ANXA10: variants seen among roughly 807,000 people sequenced by gnomAD.
ANXA10 encodes the protein annexin 14.
In ANXA10, 49 loss-of-function variants were observed where a neutral mutation model predicts 53.5. The observed-to-expected ratio is 0.92, with a 90% CI of 0.73 to 1.16. ANXA10 has a LOEUF of 1.16. ANXA10 is among the 50% of genes most tolerant of loss of function. ANXA10 has a pLI of 0.00. For missense variants in ANXA10, 393 were observed against 394.4 expected (o/e 1.00, Z 0.03); for synonymous variants, 131 against 128.9 (o/e 1.02, Z -0.11).
intron 3 of ANXA10, among the ~76,000 whole-genome samples, chr4:168,151,318 A>T (rs1578917782): frequency 1.3e-5 from 2 of 152,338 alleles, no homozygotes; most frequent in East Asian, 1.9e-4. Flanking sequence ...GACAAGAAAG[A>T]TGTTAGTCTT....
At chr4:168,164,449 T>C (rs574823578) in intron 5 of ANXA10, among the ~76,000 whole-genome samples, 161 bp downstream of exon 5, 2 of 152,288 alleles carry the variant, frequency 1.3e-5, no homozygotes, top group South Asian at 4.1e-4. Flanking sequence ...AACCGATTAT[T>C]AGTGCACTAA....
At chr4:168,131,473 T>C (rs1731156098) in intron 2 of ANXA10, among the ~76,000 whole-genome samples, 1 of 152,074 alleles carries the variant, frequency 6.6e-6, no homozygotes, top group South Asian at 2.1e-4. Context: ...TCTATAGATG[T>C]TAATTAAATC....
intron 4 of ANXA10, 21 bp downstream of exon 4, chr4:168,162,662 T>C: frequency 6.3e-7 from 1 of 1,599,530 alleles, no homozygotes; most frequent in Non-Finnish European, 8.6e-7. Context: ...GATCCAAAAA[T>C]ATGCCTGTAA....
chr4:168,162,641 GGTAGTGATCT>G lies in ANXA10; in HGVS notation c.309+2_309+11del, dbSNP rs1315634729. On this transcript the variant is annotated splice_donor_variant and splice_donor_5th_base_variant and intron_variant, in intron 4 of 11. Coordinates refer to ENST00000359299, the MANE Select transcript of ANXA10 (RefSeq NM_007193.5). LOFTEE classifies it high-confidence loss of function. Reference sequence around the variant, plus strand: ...CTCATGAGCTCTGGCATGCCATGAAGGTAGTGATCTGATCCAAAAATATGCCTGTAACAAG... The same window carrying G: ...CTCATGAGCTCTGGCATGCCATGAAGGATCCAAAAATATGCCTGTAACAAG... 6.2e-7 allele frequency: 1 copy of G among 1,613,468 alleles called. No homozygotes were observed. Among genetic ancestry groups the G allele is most frequent in the East Asian group, 2.2e-5 (1 of 44,858 alleles).
At chr4:168,126,525 T>A (rs1307856341) in intron 1 of ANXA10, among the ~76,000 whole-genome samples, 7 of 152,168 alleles carry the variant, frequency 4.6e-5, no homozygotes, top group Admixed American at 4.6e-4. Context: ...TCATATACAA[T>A]CAGCTGTGGA....
At chr4:168,156,060 A>ATAATATT (rs1300420777) in intron 3 of ANXA10, among the ~76,000 whole-genome samples, 1,475 of 75,704 alleles carry the variant, frequency 0.019, 34 homozygotes, top group Middle Eastern at 0.034. Context: ...TATATATTAT[A>ATAATATT]TATCATATAT....
chr4:168,182,277 A>G (rs1226149412), intron 10 of ANXA10, among the ~76,000 whole-genome samples: 2 of 136,690 alleles, frequency 1.5e-5, no homozygotes, highest in Non-Finnish European at 3.1e-5. Context: ...TGTTTTTCAT[A>G]CTTCAGTGTG....
intron 6 of ANXA10, among the ~76,000 whole-genome samples, chr4:168,170,075 A>G (rs1052076147): frequency 1.3e-5 from 2 of 152,192 alleles, no homozygotes; most frequent in Non-Finnish European, 2.9e-5. Flanking sequence ...AAAATTAAAC[A>G]ATGATGCTTT....
chr4:168,093,405 A>G (rs1209691085), intron 1 of ANXA10, among the ~76,000 whole-genome samples: 1 of 152,170 alleles, frequency 6.6e-6, no homozygotes, highest in Non-Finnish European at 1.5e-5. Context: ...GCCAACATGA[A>G]CATTAAGTTG....
chr4:168,153,454 C>CAAAAAA (rs1560782337), intron 3 of ANXA10, among the ~76,000 whole-genome samples: 1 of 33,776 alleles, frequency 3.0e-5, no homozygotes, highest in Non-Finnish European at 6.9e-5. Flanking sequence ...AAAACAAAAA[C>CAAAAAA]AAAACAAAAA....
At chr4:168,156,396 T>TAG (rs1560784827) in intron 3 of ANXA10, among the ~76,000 whole-genome samples, 13 of 109,732 alleles carry the variant, frequency 1.2e-4, no homozygotes, top group East Asian at 6.9e-4. Flanking sequence ...ATATATTATA[T>TAG]TATATATTAT....
intron 10 of ANXA10, among the ~76,000 whole-genome samples, chr4:168,184,099 C>T (rs565938590): frequency 1.3e-5 from 2 of 152,288 alleles, no homozygotes; most frequent in East Asian, 3.9e-4. Context: ...AATGTTACTG[C>T]TGTCTTAGAC....
In ANXA10 at chr4:168,156,735, C is replaced by A. The variant is rs1249469951; in HGVS notation, c.196-5793C>A. 2.0e-5 allele frequency among the ~76,000 whole-genome samples: 3 copies of A among 151,950 alleles called. No individual in the cohort carries two copies. In the East Asian group the frequency reaches 5.8e-4, roughly 29 times the overall value. On this transcript the variant is annotated intron_variant, in intron 3 of 11. Coordinates refer to ENST00000359299, the MANE Select transcript of ANXA10 (RefSeq NM_007193.5). ...AGCCAGTATGGTCTCGATCTCCTGA[C>A]CTCCTGATCCTCCTGCCTCGGCCTC...
Position 168,093,380 on chromosome 4 carries a change from TTC to T in ANXA10, c.18+663_18+664del, listed in dbSNP as rs1258405781. ...TTTAGTCCAACTGCTCTAATAGTCA[TTC>T]ACTTTTTAAAAAGCCAACATGAACA... On this transcript the variant is annotated intron_variant, in intron 1 of 11. Coordinates refer to ENST00000359299, the MANE Select transcript of ANXA10 (RefSeq NM_007193.5). Among the ~76,000 whole-genome samples, 468 of 152,300 alleles carry T rather than the reference TTC, an allele frequency of 3.1e-3. 6 individuals are homozygous for T. Among genetic ancestry groups the T allele is most frequent in the African/African-American group, 0.011 (442 of 41,574 alleles).
At chr4:168,145,612 T>G (rs1397037003) in intron 3 of ANXA10, among the ~76,000 whole-genome samples, 1 of 152,210 alleles carries the variant, frequency 6.6e-6, no homozygotes, top group Non-Finnish European at 1.5e-5. Context: ...TAAATTATCC[T>G]TTCAGTATTA....
At chr4:168,158,498 A>G (rs2149476565) in intron 3 of ANXA10, among the ~76,000 whole-genome samples, 1 of 152,272 alleles carries the variant, frequency 6.6e-6, no homozygotes, top group East Asian at 1.9e-4. Flanking sequence ...TTTTGTCTAC[A>G]CCAAGTGGCA....
intron 6 of ANXA10, among the ~76,000 whole-genome samples, chr4:168,176,260 T>C (rs1732124967): frequency 6.6e-6 from 1 of 152,152 alleles, no homozygotes; most frequent in South Asian, 2.1e-4. Context: ...CATATGGGCA[T>C]TTATCAGTGT....
chr4:168,110,651 A>G (rs958198518), intron 1 of ANXA10, among the ~76,000 whole-genome samples: 22 of 152,196 alleles, frequency 1.4e-4, no homozygotes, highest in Admixed American at 1.2e-3. Context: ...TCTTTCATAT[A>G]GAAGTCTAGA....
intron 10 of ANXA10, 111 bp downstream of exon 10, chr4:168,181,852 G>A (rs1732254564): frequency 1.2e-6 from 1 of 816,888 alleles, no homozygotes; most frequent in South Asian, 1.6e-5. Context: ...GAACTTGTAT[G>A]TACAAAGAAA....
Sources: allele counts gnomAD v4.1 joint callset (sites outside exome capture counted in the v4.1 genomes callset), GRCh38; gene constraint gnomAD v4.1.1; transcripts MANE v1.5; gene names NCBI Gene and HGNC (gene_info 2026-07-23, HGNC 2026-07-21).